Variants in CHST11 observed in about 807,000 individuals in gnomAD.
The protein encoded by CHST11 is C4S-1.
In CHST11, 9 loss-of-function variants were observed where a neutral mutation model predicts 30.4. The observed-to-expected ratio is 0.30, with a 90% CI of 0.18 to 0.52. The LOEUF is 0.52. Ranked by LOEUF, CHST11 falls within the 20% of genes least tolerant of loss-of-function variation. The pLI is 0.97. For synonymous variants in CHST11, 152 were observed against 187.8 expected (o/e 0.81, Z 1.56); for missense variants, 348 against 460.6 (o/e 0.76, Z 2.24).
At chr12:104,670,700 C>T (rs2039686991) in intron 2 of CHST11, among the ~76,000 whole-genome samples, 1 of 151,088 alleles carries the variant, frequency 6.6e-6, no homozygotes, top group Non-Finnish European at 1.5e-5. Flanking sequence ...CCTGCATACA[C>T]ACACATCATA....
chr12:104,709,778 A>C (rs1255832551), intron 2 of CHST11, among the ~76,000 whole-genome samples: 1 of 152,222 alleles, frequency 6.6e-6, no homozygotes, highest in Admixed American at 6.5e-5. Flanking sequence ...ACAGAGGGTA[A>C]CAGCGAAAGT....
intron 2 of CHST11, among the ~76,000 whole-genome samples, chr12:104,753,638 A>C (rs1189563329): frequency 6.6e-6 from 1 of 152,232 alleles, no homozygotes; most frequent in East Asian, 1.9e-4. Flanking sequence ...CTAAGGAAGA[A>C]TATTCTGGAA....
intron 1 of CHST11, among the ~76,000 whole-genome samples, chr12:104,485,284 T>G (rs2037666187): frequency 6.6e-6 from 1 of 152,164 alleles, no homozygotes; most frequent in South Asian, 2.1e-4. Flanking sequence ...GAAGATTGAC[T>G]CTTATAAAAA....
At chr12:104,744,671 C>A (rs569987349) in intron 2 of CHST11, among the ~76,000 whole-genome samples, 34 of 152,194 alleles carry the variant, frequency 2.2e-4, no homozygotes, top group African/African-American at 7.5e-4. Context: ...ATCATGAAGT[C>A]TTTTCCCGTG....
chr12:104,650,531 G>A (rs1372889924), intron 2 of CHST11, among the ~76,000 whole-genome samples: 1 of 152,100 alleles, frequency 6.6e-6, no homozygotes, highest in Non-Finnish European at 1.5e-5. Context: ...TCTCTAGAAG[G>A]GTCACCAGAA....
chr12:104,604,112 C>T (rs1354692250), intron 2 of CHST11, among the ~76,000 whole-genome samples: 1 of 152,126 alleles, frequency 6.6e-6, no homozygotes, highest in Non-Finnish European at 1.5e-5. Context: ...ACTGGCGAGG[C>T]AGACTCTGCT....
Position 104,757,443 on chromosome 12 carries a change from C to G in CHST11, c.699C>G (p.Asp233Glu). ...NATQEALRKG[D>E]DVKFEEFVAY... ...CCCAGGAGGCCCTGCGCAAAGGGGA[C>G]GATGTCAAATTCGAGGAGTTTGTGG... The change falls in exon 3 of 3, where the codon GAC becomes GAG. Residue 233 changes from aspartate to glutamate, a missense_variant. Physicochemically the swap from Asp to Glu is conservative, Grantham distance 45. Transcript: ENST00000303694. This position sits in a 1 kb window ranked among gnomAD's most constrained non-coding sequence, Gnocchi z 6.5. 3 of 1,614,056 alleles carry G rather than the reference C, an allele frequency of 1.9e-6. No homozygotes were observed. The highest frequency in any genetic ancestry group is 2.2e-5 in the South Asian group (2 of 91,066).
intron 2 of CHST11, among the ~76,000 whole-genome samples, chr12:104,711,677 T>C (rs1272050020): frequency 6.6e-6 from 1 of 151,586 alleles, no homozygotes; most frequent in Non-Finnish European, 1.5e-5. Flanking sequence ...GAAGTAGAGG[T>C]GACAGCCAGA....
intron 1 of CHST11, among the ~76,000 whole-genome samples, chr12:104,502,132 A>T (rs751675444): frequency 7.9e-5 from 12 of 151,264 alleles, no homozygotes; most frequent in African/African-American, 1.7e-4. Flanking sequence ...GGCTCAAGGG[A>T]TCTTCCTGTC....
intron 1 of CHST11, among the ~76,000 whole-genome samples, chr12:104,532,185 C>G (rs757919290): frequency 6.6e-6 from 1 of 152,240 alleles, no homozygotes; most frequent in Non-Finnish European, 1.5e-5. Context: ...AACAGCATGA[C>G]TTGAAGTTGC....
intron 1 of CHST11, among the ~76,000 whole-genome samples, chr12:104,535,911 T>C (rs1264572188): frequency 1.3e-5 from 2 of 152,346 alleles, no homozygotes; most frequent in East Asian, 3.9e-4. Flanking sequence ...CCATATACAG[T>C]GGATTGTGAA....
At chr12:104,640,306 GC>G (rs1410706756) in intron 2 of CHST11, among the ~76,000 whole-genome samples, 1 of 152,134 alleles carries the variant, frequency 6.6e-6, no homozygotes, top group Non-Finnish European at 1.5e-5. Context: ...ATTCATAATT[GC>G]CAAAACTTGG....
intron 1 of CHST11, among the ~76,000 whole-genome samples, chr12:104,563,290 G>A (rs1004480431): frequency 3.3e-5 from 5 of 152,060 alleles, no homozygotes; most frequent in Admixed American, 1.3e-4. Context: ...CGCCTGCCTC[G>A]GCCTCCCTAA....
At chr12:104,484,711 C>T (rs150518667) in intron 1 of CHST11, among the ~76,000 whole-genome samples, 7 of 152,118 alleles carry the variant, frequency 4.6e-5, no homozygotes, top group African/African-American at 1.7e-4. Context: ...TAAACAGGTA[C>T]CTATTTAGTA....
intron 1 of CHST11, among the ~76,000 whole-genome samples, chr12:104,524,645 T>C (rs1021498980): frequency 4.6e-5 from 7 of 151,996 alleles, no homozygotes; most frequent in Non-Finnish European, 8.8e-5. Flanking sequence ...CATCCATTCA[T>C]CCACCCATCC....
intron 2 of CHST11, among the ~76,000 whole-genome samples, chr12:104,719,938 G>A (rs1414532307): frequency 6.6e-6 from 1 of 152,244 alleles, no homozygotes; most frequent in Non-Finnish European, 1.5e-5. Flanking sequence ...GAGGAAAAGC[G>A]GGAATGGTTT....
chr12:104,702,087 G>T (rs1314669804), intron 2 of CHST11, among the ~76,000 whole-genome samples: 1 of 151,930 alleles, frequency 6.6e-6, no homozygotes, highest in African/African-American at 2.4e-5. Flanking sequence ...CAGGCCGAGA[G>T]ACTCTGCTCT....
chr12:104,696,420 T>G (rs1175041668), intron 2 of CHST11, among the ~76,000 whole-genome samples: 1 of 138,444 alleles, frequency 7.2e-6, no homozygotes, highest in African/African-American at 2.7e-5. Context: ...GCGGATTACT[T>G]GAGGTCAGGA....
chr12:104,647,650 T>A (rs552465401), intron 2 of CHST11, among the ~76,000 whole-genome samples: 1 of 152,240 alleles, frequency 6.6e-6, no homozygotes, highest in Non-Finnish European at 1.5e-5. Flanking sequence ...CTGTGTGATA[T>A]TTCCATATAT....
Sources: gnomAD v4.1 joint callset for allele counts (sites outside exome capture counted in the v4.1 genomes callset) on GRCh38, gnomAD v4.1.1 for gene constraint, Gnocchi (gnomAD v3.1) non-coding constraint, MANE v1.5 for transcripts, NCBI Gene and HGNC (gene_info 2026-07-23, HGNC 2026-07-21) for gene names.